XKR9: variants seen among roughly 807,000 people sequenced by gnomAD.
XKR9 encodes the protein XK-related protein 9.
Under a neutral mutation model 32.0 loss-of-function variants are expected in XKR9, and 32 were observed. That is an observed-to-expected ratio of 1.00 (90% CI 0.76 to 1.34). The LOEUF (loss-of-function observed/expected upper bound fraction) is 1.34, where lower values mean the gene tolerates loss of function less well. Among genes scored for constraint, XKR9 ranks in the 40% most tolerant of loss-of-function variants. The pLI is 0.00. For missense variants in XKR9, 546 were observed against 429.7 expected, an observed-to-expected ratio of 1.27 and a Z score of -2.39; for synonymous variants, 168 against 143.4, an observed-to-expected ratio of 1.17 and a Z score of -1.22.
the XKR9 span, among the ~76,000 whole-genome samples, chr8:70,956,747 G>T: frequency 2.0e-5 from 3 of 152,330 alleles, no homozygotes; most frequent in Middle Eastern, 3.4e-3. Flanking sequence ...ACCCGGCCAG[G>T]TTATGACAGC....
At chr8:70,777,802 G>A (rs1262010031) in intron 2 of XKR9, among the ~76,000 whole-genome samples, 1 of 150,402 alleles carries the variant, frequency 6.6e-6, no homozygotes, top group East Asian at 2.0e-4. Flanking sequence ...TTTTGATGAG[G>A]TTTTTTTTTC....
intron 2 of XKR9, among the ~76,000 whole-genome samples, chr8:70,755,165 T>C (rs151214946): frequency 3.3e-4 from 50 of 152,352 alleles, no homozygotes; most frequent in South Asian, 1.7e-3. Context: ...AAAATGCTCG[T>C]CATGACTGGC....
intron 3 of XKR9, among the ~76,000 whole-genome samples, chr8:70,699,275 C>T (rs888912406): frequency 1.3e-5 from 2 of 152,126 alleles, no homozygotes; most frequent in African/African-American, 4.8e-5. Context: ...TTCTTCCTAG[C>T]CTCGATGGTC....
At chr8:70,898,280 G>A in the XKR9 span, among the ~76,000 whole-genome samples, 1 of 152,074 alleles carries the variant, frequency 6.6e-6, no homozygotes, top group African/African-American at 2.4e-5. Context: ...TGATCGATGT[G>A]TCTCTTTCTA....
At chr8:70,800,312 C>T in the XKR9 span, among the ~76,000 whole-genome samples, 2 of 151,956 alleles carry the variant, frequency 1.3e-5, no homozygotes, top group Admixed American at 1.3e-4. Context: ...GGATATTAGC[C>T]TAAAGTTTTC....
chr8:70,813,592 C>T, the XKR9 span, among the ~76,000 whole-genome samples: 9 of 151,992 alleles, frequency 5.9e-5, no homozygotes, highest in Non-Finnish European at 8.8e-5. Context: ...AACAAATTTA[C>T]AAGAAAAAAA....
intron 3 of XKR9, among the ~76,000 whole-genome samples, chr8:70,686,670 T>C (rs985530596): frequency 6.6e-6 from 1 of 152,048 alleles, no homozygotes; most frequent in African/African-American, 2.4e-5. Context: ...TTTTGAACTT[T>C]TAGGCTCAAG....
the XKR9 span, among the ~76,000 whole-genome samples, chr8:70,946,715 T>C: frequency 1.3e-5 from 2 of 152,232 alleles, no homozygotes; most frequent in East Asian, 1.9e-4. Flanking sequence ...CTCTGTGATA[T>C]GATTTGCCTA....
At chr8:70,781,971 G>C (rs1029629398) in intron 2 of XKR9, among the ~76,000 whole-genome samples, 1 of 152,188 alleles carries the variant, frequency 6.6e-6, no homozygotes, top group Non-Finnish European at 1.5e-5. Flanking sequence ...TATGTGGTTA[G>C]AACTTTACAA....
the XKR9 span, among the ~76,000 whole-genome samples, chr8:71,047,489 G>T: frequency 1.3e-5 from 2 of 152,128 alleles, no homozygotes; most frequent in African/African-American, 4.8e-5. Flanking sequence ...CATTTTATTT[G>T]GTTTCCAAAG....
At chr8:70,894,184 T>C in the XKR9 span, among the ~76,000 whole-genome samples, 1 of 151,788 alleles carries the variant, frequency 6.6e-6, no homozygotes, top group Non-Finnish European at 1.5e-5. Flanking sequence ...AGTCACTGTG[T>C]AGTAGTGACA....
chr8:70,877,316 A>T, the XKR9 span, among the ~76,000 whole-genome samples: 1 of 152,232 alleles, frequency 6.6e-6, no homozygotes, highest in Non-Finnish European at 1.5e-5. Context: ...GACACAGCCA[A>T]ATCATATCAA....
At chr8:70,692,922 T>C (rs983362082) in intron 3 of XKR9, among the ~76,000 whole-genome samples, 2 of 152,042 alleles carry the variant, frequency 1.3e-5, no homozygotes, top group African/African-American at 2.4e-5. Flanking sequence ...AATACCTAGG[T>C]TATTGAGAGT....
At chr8:71,035,163 A>G in the XKR9 span, among the ~76,000 whole-genome samples, 1 of 152,210 alleles carries the variant, frequency 6.6e-6, no homozygotes, top group Non-Finnish European at 1.5e-5. Flanking sequence ...TCATTGCCTA[A>G]CAAAAGAATC....
the XKR9 span, among the ~76,000 whole-genome samples, chr8:70,956,813 G>C: frequency 5.4e-4 from 82 of 152,338 alleles, no homozygotes; most frequent in Non-Finnish European, 1.0e-3. Flanking sequence ...GGAGTGGGGA[G>C]AGGCCAGGGA....
chr8:70,767,825 A>T (rs2130224915), intron 2 of XKR9, among the ~76,000 whole-genome samples: 1 of 152,014 alleles, frequency 6.6e-6, no homozygotes, highest in Admixed American at 6.6e-5. Flanking sequence ...TTTCTTTTTT[A>T]TTAGTCAGGC....
At chr8:70,961,654 G>A in the XKR9 span, among the ~76,000 whole-genome samples, 8 of 152,036 alleles carry the variant, frequency 5.3e-5, no homozygotes, top group African/African-American at 1.9e-4. Flanking sequence ...ATCGCATGAA[G>A]ATATTCCCAA....
chr8:71,011,950 T>C, the XKR9 span, among the ~76,000 whole-genome samples: 4 of 152,338 alleles, frequency 2.6e-5, no homozygotes, highest in African/African-American at 9.6e-5. Context: ...GTTTCTCTTA[T>C]ATACACTTGC....
the XKR9 span, among the ~76,000 whole-genome samples, chr8:70,960,360 A>G: frequency 4.3e-4 from 65 of 152,260 alleles, 1 homozygote; most frequent in Admixed American, 4.0e-3. Context: ...CCTTTTGGGT[A>G]GCAGCCATTT....
Sources: allele counts gnomAD v4.1 joint callset (sites outside exome capture counted in the v4.1 genomes callset), GRCh38; gene constraint gnomAD v4.1.1; transcripts MANE v1.5; gene names NCBI Gene and HGNC (gene_info 2026-07-23, HGNC 2026-07-21).